The following TMPRSS15 variants were observed in gnomAD, a reference collection of about 807,000 sequenced individuals.
The protein encoded by TMPRSS15 is transmembrane serine protease 15.
In TMPRSS15, 128 loss-of-function variants were observed where a neutral mutation model predicts 125.3. The ratio of observed to expected loss-of-function variants is 1.02; its 90% CI spans 0.89 to 1.18. TMPRSS15 has a LOEUF of 1.18. Among genes scored for constraint, TMPRSS15 ranks in the 50% most tolerant of loss-of-function variants. The pLI is 0.00. For synonymous variants in TMPRSS15, 446 were observed against 423.2 expected (o/e 1.05, Z -0.66); for missense variants, 1,283 against 1,212.7 (o/e 1.06, Z -0.86).
intron 1 of TMPRSS15, among the ~76,000 whole-genome samples, chr21:18,401,941 T>C (rs1255502317): frequency 6.6e-6 from 1 of 151,888 alleles, no homozygotes; most frequent in Non-Finnish European, 1.5e-5. Context: ...CAAATGCTTA[T>C]AGATCCTTCA....
intron 1 of TMPRSS15, among the ~76,000 whole-genome samples, chr21:18,459,039 G>C (rs766902657): frequency 7.2e-5 from 11 of 152,122 alleles, no homozygotes; most frequent in Non-Finnish European, 1.5e-4. Flanking sequence ...TTAAGTCAAT[G>C]ATGTGTCTTT....
In TMPRSS15 at chr21:18,341,491, TA is replaced by T; in HGVS notation, c.1485del (p.Ser496AlafsTer2). The T allele has an allele frequency of 2.5e-6, 4 of 1,614,184 alleles. No homozygotes were observed. Among genetic ancestry groups the T allele is most frequent in the Non-Finnish European group, 3.4e-6 (4 of 1,180,006 alleles). On this transcript the variant is annotated frameshift_variant, in exon 13 of 25. Coordinates refer to ENST00000284885, the MANE Select transcript of TMPRSS15 (RefSeq NM_002772.3). LOFTEE classifies it high-confidence loss of function. ...KILSDIALDDISLTYGICNGS... is the reference protein window; with the variant it reads ...KILSDIALDDXSLTYGICNGS... ...CCATTGCAAATCCCATATGTTAGGC[TA>T]ATGTCATCCAACGCAATATCACTCA...
chr21:18,384,552 G>A (rs917514301), intron 3 of TMPRSS15, among the ~76,000 whole-genome samples: 1 of 152,062 alleles, frequency 6.6e-6, no homozygotes, highest in Non-Finnish European at 1.5e-5. Context: ...AGAGAAAAAT[G>A]AATAAATTTT....
rs1555896891 is a variant in TMPRSS15, at chr21:18,317,809, C to CATCCCATCCT, written c.1922-2554_1922-2553insAGGATGGGAT. Reference sequence around the variant, plus strand: ...CATCCCATCCCATCCCATCCCATCCCATCCCATTCTATCCTATCCCATCCT... The same window carrying CATCCCATCCT: ...CATCCCATCCCATCCCATCCCATCCCATCCCATCCTATCCCATTCTATCCTATCCCATCCT... On this transcript the variant is annotated intron_variant, in intron 16 of 24. Coordinates refer to ENST00000284885, the MANE Select transcript of TMPRSS15 (RefSeq NM_002772.3). Among the ~76,000 whole-genome samples, 51 of 32,386 alleles carry CATCCCATCCT rather than the reference C, an allele frequency of 1.6e-3. 1 individual carries two copies. The highest frequency in any genetic ancestry group is 7.3e-3 in the African/African-American group (49 of 6,754). 21.2% of individuals were successfully genotyped at this position (32,386 alleles called of 152,430 possible). A position where few individuals can be genotyped will look rare whatever the true frequency, so the allele number is the denominator to read the frequency against.
intron 1 of TMPRSS15, among the ~76,000 whole-genome samples, chr21:18,418,765 A>G (rs1350672081): frequency 6.6e-6 from 1 of 152,216 alleles, no homozygotes; most frequent in Admixed American, 6.5e-5. Context: ...GCTAGAAAAC[A>G]TTGTTAAAAT....
chr21:18,422,726 T>G (rs1303258520), intron 1 of TMPRSS15, among the ~76,000 whole-genome samples: 1 of 152,216 alleles, frequency 6.6e-6, no homozygotes, highest in Non-Finnish European at 1.5e-5. Context: ...TAAATTCAGA[T>G]AGTCTGGATC....
chr21:18,359,775 A>G lies in TMPRSS15; in HGVS notation c.862T>C (p.Ser288Pro). ...DILDIYEGVG[S>P]SKILRASIWE... ...AACTTACCTCTTAAAATCTTGCTTGATCCTACACCTTCATAAATATCTAAT... is the reference window on the plus strand; with the variant it reads ...AACTTACCTCTTAAAATCTTGCTTGGTCCTACACCTTCATAAATATCTAAT... The change falls in exon 8 of 25, where the codon TCA (serine) becomes CCA (proline). Residue 288 changes from serine to proline, a missense_variant. Physicochemically the swap from Ser to Pro is moderately conservative, Grantham distance 74 (BLOSUM62 -1). Transcript: ENST00000284885. 1 of 1,442,014 alleles carries G rather than the reference A, an allele frequency of 6.9e-7. No individual in the cohort carries two copies. Among genetic ancestry groups the G allele is most frequent in the South Asian group, 1.2e-5 (1 of 86,670 alleles). 89.3% of individuals were successfully genotyped at this position (1,442,014 alleles called of 1,614,324 possible).
intron 21 of TMPRSS15, among the ~76,000 whole-genome samples, chr21:18,284,545 A>T (rs73893049): frequency 0.22 from 33,834 of 152,076 alleles, 3,857 homozygotes; most frequent in South Asian, 0.39. Flanking sequence ...CTTCAGAAAA[A>T]TCATTTTAGA....
chr21:18,294,291 G>A lies in TMPRSS15; in HGVS notation c.2465C>T (p.Ser822Phe), dbSNP rs767439439. 2 of 1,614,098 alleles carry A rather than the reference G, an allele frequency of 1.2e-6. No individual in the cohort carries two copies. Among genetic ancestry groups the A allele is most frequent in the African/African-American group, 1.3e-5 (1 of 74,946 alleles). ...ASLVSSDWLV[S>F]AAHCVYGRNL... is the part of the protein sequence containing the mutation. ...TCACCCATACACGCAGTGTGCGGCG[G>A]ACACCAGCCAGTCACTGCTGACGAG... The change falls in exon 21 of 25, where the codon TCC becomes TTC. Residue 822 changes from serine to phenylalanine, a missense_variant. By Grantham distance (155) the Ser-to-Phe change is radical. Coordinates refer to ENST00000284885, the MANE Select transcript of TMPRSS15 (RefSeq NM_002772.3).
At chr21:18,373,606 C>T (rs1417650990) in intron 5 of TMPRSS15, among the ~76,000 whole-genome samples, 1 of 152,046 alleles carries the variant, frequency 6.6e-6, no homozygotes, top group Non-Finnish European at 1.5e-5. Context: ...CCAAATAAAG[C>T]ACTATACTTA....
intron 1 of TMPRSS15, among the ~76,000 whole-genome samples, chr21:18,463,898 G>C (rs1253826569): frequency 6.6e-6 from 1 of 152,050 alleles, no homozygotes; most frequent in Non-Finnish European, 1.5e-5. Flanking sequence ...TCTTTGGCCA[G>C]GCGTGGTGGC....
In TMPRSS15 at chr21:18,352,921, T is replaced by C; in HGVS notation, c.1153A>G (p.Thr385Ala). 6.2e-7 allele frequency: 1 copy of C among 1,612,380 alleles called. No individual in the cohort carries two copies. Among genetic ancestry groups the C allele is most frequent in the Non-Finnish European group, 8.5e-7 (1 of 1,178,826 alleles). Residue 385 changes from threonine (T) to alanine (A), a missense_variant, in exon 10 of 25, where the codon ACT becomes GCT. Thr to Ala is a moderately conservative substitution (Grantham distance 58). Coordinates refer to ENST00000284885, the MANE Select transcript of TMPRSS15 (RefSeq NM_002772.3). ...SPFTGPNFDH[T>A]FGNASGFYIS... is the part of the protein sequence containing the mutation. ...ATTATACCTGAAGCATTGCCAAAAG[T>C]GTGGTCAAAATTGGGTCCAGTAAAA... is the stretch of plus-strand genomic sequence containing the variant.
Position 18,353,786 on chromosome 21 carries a change from C to T in TMPRSS15, c.958G>A (p.Asp320Asn), listed in dbSNP as rs751202524. The T allele has an allele frequency of 1.9e-6, 3 of 1,611,864 alleles. No individual in the cohort carries two copies. The highest frequency in any genetic ancestry group is 3.3e-5 in the Admixed American group (2 of 59,878). The part of the protein sequence containing the change: ...QVTATFLIES[D>N]ESDYVGFNAT... ...TTAAAGCCAACATAATCACTTTCAT[C>T]AGATTCTATAAGAAAGGTGGCAGTA... The change falls in exon 9 of 25, where the codon GAT (aspartate) becomes AAT (asparagine). Residue 320 changes from aspartate (D) to asparagine (N), a missense_variant. Coordinates refer to ENST00000284885, the MANE Select transcript of TMPRSS15 (RefSeq NM_002772.3).
chr21:18,456,742 TAATC>T (rs943218207), intron 1 of TMPRSS15, among the ~76,000 whole-genome samples: 5 of 152,106 alleles, frequency 3.3e-5, no homozygotes, highest in African/African-American at 1.2e-4. Flanking sequence ...ATTATAAAAG[TAATC>T]AAAGCATACA....
intron 22 of TMPRSS15, among the ~76,000 whole-genome samples, chr21:18,279,311 C>CCTT: frequency 2.4e-5 from 1 of 41,094 alleles, no homozygotes. Context: ...CCTCGTTACT[C>CCTT]TTTTTTTTTT....
intron 10 of TMPRSS15, among the ~76,000 whole-genome samples, chr21:18,345,588 A>C (rs2075496988): frequency 6.8e-6 from 1 of 147,082 alleles, no homozygotes; most frequent in African/African-American, 2.5e-5. Flanking sequence ...AAAAATACAA[A>C]AAATTAGCTG....
At chr21:18,371,960 T>A (rs968305481) in intron 6 of TMPRSS15, among the ~76,000 whole-genome samples, 1 of 152,052 alleles carries the variant, frequency 6.6e-6, no homozygotes, top group Non-Finnish European at 1.5e-5. Flanking sequence ...GAATTCTGTT[T>A]AATTAATTAA....
upstream of TMPRSS15, among the ~76,000 whole-genome samples, chr21:18,404,123 T>G (rs2076126462): frequency 6.6e-6 from 1 of 152,202 alleles, no homozygotes; most frequent in Non-Finnish European, 1.5e-5. Context: ...TAAAAATAAC[T>G]TTTAGGTGCA....
chr21:18,416,375 C>T (rs2076180212), intron 1 of TMPRSS15, among the ~76,000 whole-genome samples: 1 of 152,058 alleles, frequency 6.6e-6, no homozygotes, highest in African/African-American at 2.4e-5. Context: ...GGAGACATCA[C>T]ACTTCTTGAC....
Sources: gnomAD v4.1 joint callset for allele counts (sites outside exome capture counted in the v4.1 genomes callset) on GRCh38, gnomAD v4.1.1 for gene constraint, MANE v1.5 for transcripts, NCBI Gene and HGNC (gene_info 2026-07-23, HGNC 2026-07-21) for gene names.